Variants in RSPO3 observed in about 807,000 individuals in gnomAD.
The protein encoded by RSPO3 is R-spondin 3, also known as R-spondin-3.
A neutral mutation model predicts 36.5 loss-of-function variants in RSPO3; 17 were observed. The observed-to-expected ratio is 0.47, with a 90% confidence interval of 0.32 to 0.70. The LOEUF is 0.70. Ranked by LOEUF, RSPO3 falls within the 30% of genes least tolerant of loss-of-function variation. The probability of loss-of-function intolerance (pLI) is 0.04; values close to 1 mark genes in which losing one functional copy is unlikely to be tolerated. For missense variants in RSPO3, 294 were observed against 322.5 expected (o/e 0.91, Z 0.68); for synonymous variants, 108 against 107.0 (o/e 1.01, Z -0.06).
intron 4 of RSPO3, among the ~76,000 whole-genome samples, chr6:127,171,314 G>C (rs551233839): frequency 6.6e-6 from 1 of 151,838 alleles, no homozygotes; most frequent in South Asian, 2.1e-4. Context: ...CCAAGGCATT[G>C]TGCAGAGGTT....
chr6:127,135,926 CA>C (rs5879836), intron 1 of RSPO3, among the ~76,000 whole-genome samples: 66,921 of 114,824 alleles, frequency 0.58, 16,118 homozygotes, highest in African/African-American at 0.6. Flanking sequence ...GACCCTGCCT[CA>C]AAAAAAAAAA....
chr6:127,148,655 T>G lies in RSPO3; in HGVS notation c.105T>G (p.Pro35=), dbSNP rs1774432798. The change falls in exon 2 of 5, where the codon CCT becomes CCG. Residue 35 remains proline (P), a synonymous_variant. Transcript: ENST00000356698. ...SRGRRQRRMH[P]NVSQGCQGGC... ...CTACATTTGTCTCCACAGTGCATCC[T>G]AACGTTAGTCAAGGCTGCCAAGGAG... The G allele has an allele frequency of 1.2e-6, 2 of 1,611,910 alleles. No individual in the cohort carries two copies. Among genetic ancestry groups the G allele is most frequent in the Non-Finnish European group, 1.7e-6 (2 of 1,178,718 alleles).
chr6:127,145,115 C>A (rs551013229), intron 1 of RSPO3, among the ~76,000 whole-genome samples: 1 of 152,268 alleles, frequency 6.6e-6, no homozygotes, highest in East Asian at 1.9e-4. Flanking sequence ...ATGCCCTACT[C>A]TCCAACTGCA....
intron 4 of RSPO3, among the ~76,000 whole-genome samples, chr6:127,179,190 T>C (rs1377395079): frequency 6.6e-6 from 1 of 151,856 alleles, no homozygotes; most frequent in African/African-American, 2.4e-5. Flanking sequence ...ACCTTTCTCA[T>C]AATTCAGCTA....
At chr6:127,126,921 T>C (rs1350579415) in intron 1 of RSPO3, among the ~76,000 whole-genome samples, 1 of 152,080 alleles carries the variant, frequency 6.6e-6, no homozygotes, top group South Asian at 2.1e-4. Flanking sequence ...AAGCAGTTTA[T>C]TCTCCTAGTC....
At chr6:127,177,896 G>T (rs780985577) in intron 4 of RSPO3, among the ~76,000 whole-genome samples, 59 of 147,134 alleles carry the variant, frequency 4.0e-4, no homozygotes, top group Admixed American at 7.5e-4. Flanking sequence ...AGTTCTCTTG[G>T]TTTTTTTTTT....
intron 1 of RSPO3, among the ~76,000 whole-genome samples, chr6:127,148,010 G>A (rs1562244590): frequency 6.6e-6 from 1 of 152,096 alleles, no homozygotes; most frequent in Non-Finnish European, 1.5e-5. Flanking sequence ...AATATTTAAT[G>A]AAGGAATTCT....
intron 4 of RSPO3, among the ~76,000 whole-genome samples, chr6:127,165,031 G>A (rs1774793683): frequency 6.6e-6 from 1 of 152,024 alleles, no homozygotes; most frequent in South Asian, 2.1e-4. Context: ...TACATAAAAT[G>A]TAATATCTGA....
chr6:127,191,274 A>G (rs1775404886), intron 4 of RSPO3, among the ~76,000 whole-genome samples: 1 of 152,192 alleles, frequency 6.6e-6, no homozygotes, highest in South Asian at 2.1e-4. Flanking sequence ...TTGAGAGTAT[A>G]TATTTGAAGA....
chr6:127,150,409 T>G lies in RSPO3; in HGVS notation c.290-17T>G, dbSNP rs375826840. 8.1e-5 allele frequency: 130 copies of G among 1,605,998 alleles called. No homozygotes were observed. The highest frequency in any genetic ancestry group is 1.7e-4 in the Middle Eastern group (1 of 6,048). ...AGAACATAATGCAAGCATATTTCTTTCTTTTTTCTCTTTCAGAATGCAAAG... is the reference window on the plus strand; with the variant it reads ...AGAACATAATGCAAGCATATTTCTTGCTTTTTTCTCTTTCAGAATGCAAAG... On this transcript the variant is annotated splice_polypyrimidine_tract_variant and intron_variant, in intron 2 of 4. Coordinates refer to ENST00000356698, the MANE Select transcript of RSPO3 (RefSeq NM_032784.5).
At chr6:127,151,527 T>C (rs918235439) in intron 3 of RSPO3, among the ~76,000 whole-genome samples, 1 of 151,984 alleles carries the variant, frequency 6.6e-6, no homozygotes. Flanking sequence ...CAGTACAAGA[T>C]AGTCTCCAGG....
At chr6:127,173,434 T>A (rs999076504) in intron 4 of RSPO3, among the ~76,000 whole-genome samples, 1 of 151,906 alleles carries the variant, frequency 6.6e-6, no homozygotes, top group Non-Finnish European at 1.5e-5. Flanking sequence ...GGATTATGCT[T>A]AAATATAAAT....
chr6:127,157,067 T>A (rs538572488), intron 4 of RSPO3, among the ~76,000 whole-genome samples: 1 of 152,300 alleles, frequency 6.6e-6, no homozygotes, highest in South Asian at 2.1e-4. Flanking sequence ...GTTTAAGGAA[T>A]GAAAGCTGGC....
At chr6:127,192,657 G>C (rs1775435762) in intron 4 of RSPO3, 1 of 985,360 alleles carries the variant, frequency 1.0e-6, no homozygotes, top group African/African-American at 1.7e-5. Flanking sequence ...GAACATCAAG[G>C]GGAGATGAAC....
intron 1 of RSPO3, among the ~76,000 whole-genome samples, chr6:127,130,930 A>G (rs918698101): frequency 1.3e-5 from 2 of 151,988 alleles, no homozygotes; most frequent in Non-Finnish European, 2.9e-5. Context: ...CTCTGACTTT[A>G]ATTCACACAC....
intron 4 of RSPO3, among the ~76,000 whole-genome samples, chr6:127,188,874 T>C (rs1775351374): frequency 1.3e-5 from 2 of 152,188 alleles, no homozygotes; most frequent in African/African-American, 4.8e-5. Flanking sequence ...AGCTGGGCTC[T>C]TTCCTTGCCT....
intron 4 of RSPO3, among the ~76,000 whole-genome samples, chr6:127,161,969 C>A (rs1002587057): frequency 3.9e-5 from 6 of 152,124 alleles, no homozygotes; most frequent in Non-Finnish European, 7.4e-5. Flanking sequence ...CAATTTGTGG[C>A]TGGGCAATTA....
chr6:127,194,821 G>A (rs1022662277), intron 4 of RSPO3, among the ~76,000 whole-genome samples: 9 of 152,222 alleles, frequency 5.9e-5, no homozygotes, highest in South Asian at 2.1e-4. Context: ...GCTCCAGGTC[G>A]GGGGCCTGCA....
intron 1 of RSPO3, among the ~76,000 whole-genome samples, chr6:127,138,998 G>A (rs1774215197): frequency 6.6e-6 from 1 of 152,136 alleles, no homozygotes; most frequent in Admixed American, 6.6e-5. Context: ...TCACAATGCA[G>A]GGAGCCATGC....
Sources: allele counts gnomAD v4.1 joint callset (sites outside exome capture counted in the v4.1 genomes callset), GRCh38; gene constraint gnomAD v4.1.1; transcripts MANE v1.5; gene names NCBI Gene and HGNC (gene_info 2026-07-23, HGNC 2026-07-21).